Variants in EVA1C observed in about 807,000 individuals in gnomAD.
The protein encoded by EVA1C is eva-1 homolog C.
A neutral mutation model predicts 45.4 loss-of-function variants in EVA1C; 25 were observed. The ratio of observed to expected loss-of-function variants is 0.55; its 90% CI spans 0.40 to 0.77. EVA1C has a LOEUF of 0.77. Among genes scored for constraint, EVA1C ranks in the 30% least tolerant of loss-of-function variants. EVA1C has a pLI of 0.00. For missense variants in EVA1C, 479 were observed against 554.8 expected (o/e 0.86, Z 1.37); for synonymous variants, 190 against 221.2 (o/e 0.86, Z 1.25).
chr21:32,493,484 G>A (rs968253648), intron 4 of EVA1C, among the ~76,000 whole-genome samples: 10 of 152,082 alleles, frequency 6.6e-5, no homozygotes, highest in Non-Finnish European at 1.3e-4. Flanking sequence ...CCTGTGGCCA[G>A]CCCCTGCAGG....
chr21:32,434,762 G>A (rs2034869545), intron 1 of EVA1C, among the ~76,000 whole-genome samples: 1 of 152,270 alleles, frequency 6.6e-6, no homozygotes, highest in African/African-American at 2.4e-5. Context: ...CTGGGAGGGA[G>A]ATCCTTCCCT....
intron 7 of EVA1C, among the ~76,000 whole-genome samples, chr21:32,507,995 G>C (rs2037827535): frequency 6.6e-6 from 1 of 151,938 alleles, no homozygotes. Context: ...GTGTGTGTGG[G>C]TGCGTGTGTG....
At chr21:32,500,060 A>G (rs1033437859) in intron 5 of EVA1C, among the ~76,000 whole-genome samples, 2 of 152,182 alleles carry the variant, frequency 1.3e-5, no homozygotes, top group Non-Finnish European at 2.9e-5. Flanking sequence ...ATGGAAACAC[A>G]GAGGCAAAGA....
At chr21:32,461,903 C>T (rs1231276298) in intron 3 of EVA1C, among the ~76,000 whole-genome samples, 1 of 152,102 alleles carries the variant, frequency 6.6e-6, no homozygotes, top group Admixed American at 6.5e-5. Context: ...ATCGTATCTG[C>T]TGTGTGTTGG....
At chr21:32,442,821 G>T (rs868811381) in intron 1 of EVA1C, among the ~76,000 whole-genome samples, 1 of 151,930 alleles carries the variant, frequency 6.6e-6, no homozygotes, top group African/African-American at 2.4e-5. Flanking sequence ...TATATCCTGC[G>T]TTCAGAGTGA....
chr21:32,479,592 G>A (rs1281434361), intron 4 of EVA1C, among the ~76,000 whole-genome samples: 1 of 152,090 alleles, frequency 6.6e-6, no homozygotes, highest in Non-Finnish European at 1.5e-5. Context: ...AGTTGTCTTG[G>A]GCCTCTTCCT....
chr21:32,438,655 A>G (rs1251547931), intron 1 of EVA1C, among the ~76,000 whole-genome samples: 2 of 152,106 alleles, frequency 1.3e-5, no homozygotes, highest in East Asian at 3.9e-4. Context: ...GGAAAGCCCC[A>G]CTGGTATTGA....
At chr21:32,496,807 A>C (rs1481098806) in intron 5 of EVA1C, 5 of 785,824 alleles carry the variant, frequency 6.4e-6, no homozygotes, top group Non-Finnish European at 1.1e-5. Context: ...AGCCCTGGGA[A>C]CGGAGTATAT....
chr21:32,435,063 C>T (rs2034886495), intron 1 of EVA1C, among the ~76,000 whole-genome samples: 1 of 152,286 alleles, frequency 6.6e-6, no homozygotes, highest in African/African-American at 2.4e-5. Flanking sequence ...TGCTCATGGT[C>T]ACTTGAGATA....
intron 4 of EVA1C, among the ~76,000 whole-genome samples, chr21:32,492,637 C>T (rs144999264): frequency 6.6e-6 from 1 of 152,242 alleles, no homozygotes; most frequent in East Asian, 1.9e-4. Flanking sequence ...ATGAACCCCC[C>T]ACAGGCATCT....
chr21:32,429,652 C>A (rs1304559949), intron 1 of EVA1C, among the ~76,000 whole-genome samples: 3 of 152,172 alleles, frequency 2.0e-5, no homozygotes, highest in Admixed American at 2.0e-4. Flanking sequence ...CTACACCTGG[C>A]CCCTCAATTT....
intron 3 of EVA1C, among the ~76,000 whole-genome samples, chr21:32,459,554 G>A: frequency 6.6e-6 from 1 of 152,036 alleles, no homozygotes; most frequent in East Asian, 1.9e-4. Context: ...TTAAAAAGTG[G>A]CCCTTGGCTG....
rs374693892 is a variant in EVA1C, at chr21:32,451,723, G to A, written c.161-1589G>A. ...CTTTGGGTGGTGGCCGGCAACGCTC[G>A]GCATTCCTTGGCTTCAGGTGCATCA... On this transcript the variant is annotated intron_variant, in intron 1 of 7. Transcript: ENST00000300255. Among the ~76,000 whole-genome samples, 12 of 152,160 alleles carry A rather than the reference G, an allele frequency of 7.9e-5. No individual in the cohort carries two copies. In the South Asian group the frequency reaches 1.2e-3, roughly 16 times the overall value.
At chr21:32,485,393 T>C (rs929477186) in intron 4 of EVA1C, among the ~76,000 whole-genome samples, 9 of 152,184 alleles carry the variant, frequency 5.9e-5, no homozygotes, top group Non-Finnish European at 8.8e-5. Context: ...GGTCTCGAAC[T>C]CCTGACCTCA....
At chr21:32,423,913 C>T (rs748960021) in intron 1 of EVA1C, among the ~76,000 whole-genome samples, 11 of 152,174 alleles carry the variant, frequency 7.2e-5, no homozygotes, top group Non-Finnish European at 1.5e-4. Context: ...GAATACAAAT[C>T]ACCTCATCTG....
At chr21:32,493,400 G>C (rs1297317663) in intron 4 of EVA1C, among the ~76,000 whole-genome samples, 1 of 152,216 alleles carries the variant, frequency 6.6e-6, no homozygotes, top group South Asian at 2.1e-4. Flanking sequence ...GCCTTTGAAA[G>C]TGTCTCTGTC....
At chr21:32,415,108 G>A (rs1211160760) in intron 1 of EVA1C, among the ~76,000 whole-genome samples, 1 of 152,088 alleles carries the variant, frequency 6.6e-6, no homozygotes, top group African/African-American at 2.4e-5. Flanking sequence ...TTCAGCTGAC[G>A]CGAACCCCAT....
chr21:32,500,808 G>A (rs1030311276), intron 5 of EVA1C, among the ~76,000 whole-genome samples: 6 of 150,346 alleles, frequency 4.0e-5, no homozygotes, highest in Non-Finnish European at 7.4e-5. Flanking sequence ...GTATCATATC[G>A]GTACTTCACT....
intron 4 of EVA1C, among the ~76,000 whole-genome samples, chr21:32,472,812 C>T (rs946482987): frequency 6.6e-6 from 1 of 152,188 alleles, no homozygotes; most frequent in Non-Finnish European, 1.5e-5. Flanking sequence ...CTGCTCTGTG[C>T]CCCTTGCTTG....
Sources: gnomAD v4.1 joint callset for allele counts (sites outside exome capture counted in the v4.1 genomes callset) on GRCh38, gnomAD v4.1.1 for gene constraint, MANE v1.5 for transcripts, NCBI Gene and HGNC (gene_info 2026-07-23, HGNC 2026-07-21) for gene names.